The following FRMD3 variants were observed in gnomAD, a reference collection of about 807,000 sequenced individuals.
FRMD3 encodes FERM domain containing 3.
FRMD3 carries 33 observed loss-of-function variants against 70.2 expected under a neutral mutation model. The ratio of observed to expected loss-of-function variants is 0.47; its 90% CI spans 0.36 to 0.63. The LOEUF (loss-of-function observed/expected upper bound fraction) is 0.63. FRMD3 is among the 20% of genes least tolerant of loss of function. The pLI is 0.00. For missense variants in FRMD3, 632 were observed against 711.4 expected, an observed-to-expected ratio of 0.89 and a Z score of 1.27; for synonymous variants, 279 against 255.9, an observed-to-expected ratio of 1.09 and a Z score of -0.86.
intron 1 of FRMD3, among the ~76,000 whole-genome samples, chr9:83,460,252 C>T (rs896246832): frequency 2.6e-5 from 4 of 152,062 alleles, no homozygotes; most frequent in Non-Finnish European, 5.9e-5. Flanking sequence ...CTTCTTGGGC[C>T]CTGCTTTCAA....
intron 1 of FRMD3, among the ~76,000 whole-genome samples, chr9:83,481,813 T>A (rs1296686148): frequency 6.6e-6 from 1 of 152,086 alleles, no homozygotes; most frequent in South Asian, 2.1e-4. Flanking sequence ...TTCTCTGAGC[T>A]CCTCATATGC....
intron 1 of FRMD3, among the ~76,000 whole-genome samples, chr9:83,526,084 C>A (rs1829678104): frequency 6.6e-6 from 1 of 152,154 alleles, no homozygotes; most frequent in Non-Finnish European, 1.5e-5. Flanking sequence ...ACAGGCACTT[C>A]AAAATCAACG....
chr9:83,391,992 T>C (rs1825678046), intron 1 of FRMD3, among the ~76,000 whole-genome samples: 1 of 152,072 alleles, frequency 6.6e-6, no homozygotes, highest in Non-Finnish European at 1.5e-5. Context: ...CGCATGCACA[T>C]TGAAGTTTGA....
chr9:83,380,655 C>CA (rs993085418), intron 2 of FRMD3, among the ~76,000 whole-genome samples: 8 of 151,670 alleles, frequency 5.3e-5, no homozygotes, highest in South Asian at 2.1e-4. Flanking sequence ...ACTGCTAAGA[C>CA]AAAAAAAATT....
At chr9:83,469,644 TTAAA>T (rs1369787785) in intron 1 of FRMD3, among the ~76,000 whole-genome samples, 2 of 151,990 alleles carry the variant, frequency 1.3e-5, no homozygotes, top group African/African-American at 4.8e-5. Flanking sequence ...AAACATGGAA[TTAAA>T]TAAGAGCAAC....
At chr9:83,349,833 C>T (rs567778643) in intron 3 of FRMD3, 76 bp from the exon 4 acceptor site, 10 of 1,103,472 alleles carry the variant, frequency 9.1e-6, no homozygotes, top group South Asian at 6.5e-5. Flanking sequence ...GAAAGGCAGC[C>T]GTGCAGCCTG....
chr9:83,338,162 C>G (rs1296524174), intron 5 of FRMD3, among the ~76,000 whole-genome samples: 2 of 152,110 alleles, frequency 1.3e-5, no homozygotes, highest in East Asian at 3.9e-4. Context: ...GAGAGATGCT[C>G]AAACTCATGA....
At chr9:83,386,129 A>G (rs1459562133) in intron 2 of FRMD3, among the ~76,000 whole-genome samples, 1 of 152,200 alleles carries the variant, frequency 6.6e-6, no homozygotes, top group African/African-American at 2.4e-5. Context: ...TTTATCCATC[A>G]GGACAGAGAC....
intron 3 of FRMD3, 54 bp downstream of exon 3, chr9:83,372,859 G>C: frequency 6.8e-7 from 1 of 1,475,232 alleles, no homozygotes; most frequent in Non-Finnish European, 9.5e-7. Context: ...TCAGGGAACA[G>C]TATCTATCTT....
At chr9:83,530,603 T>C (rs1050092550) in intron 1 of FRMD3, among the ~76,000 whole-genome samples, 1 of 152,176 alleles carries the variant, frequency 6.6e-6, no homozygotes, top group Non-Finnish European at 1.5e-5. Context: ...TATTAAAAAT[T>C]GTATACCTTA....
At chr9:83,458,000 CAAAAAA>C (rs10555580) in intron 1 of FRMD3, among the ~76,000 whole-genome samples, 4 of 87,952 alleles carry the variant, frequency 4.5e-5, no homozygotes, top group Non-Finnish European at 6.6e-5. Flanking sequence ...TATTACCTCT[CAAAAAA>C]AAAAAAAAAA....
At chr9:83,547,171 T>C in the FRMD3 span, among the ~76,000 whole-genome samples, 3 of 149,852 alleles carry the variant, frequency 2.0e-5, no homozygotes, top group Admixed American at 1.3e-4. Flanking sequence ...TAAGTCACTT[T>C]AAATCAACAG....
At chr9:83,563,229 T>C in the FRMD3 span, among the ~76,000 whole-genome samples, 2 of 152,116 alleles carry the variant, frequency 1.3e-5, no homozygotes, top group African/African-American at 4.8e-5. Context: ...AGGATATGTC[T>C]GGGGACTTTC....
intron 12 of FRMD3, chr9:83,297,952 C>T (rs762391549): frequency 2.3e-6 from 1 of 428,500 alleles, no homozygotes; most frequent in Non-Finnish European, 4.8e-6. Context: ...CCCCAAGGGA[C>T]AGGGTGGAGA....
chr9:83,466,334 G>C (rs1284033447), intron 1 of FRMD3, among the ~76,000 whole-genome samples: 1 of 152,164 alleles, frequency 6.6e-6, no homozygotes, highest in Non-Finnish European at 1.5e-5. Context: ...AAGACATGAT[G>C]CTCTTCTTCT....
intron 13 of FRMD3, among the ~76,000 whole-genome samples, chr9:83,249,635 C>A (rs1832307060): frequency 1.3e-5 from 2 of 152,018 alleles, no homozygotes; most frequent in Non-Finnish European, 2.9e-5. Flanking sequence ...ACTGAGAAGT[C>A]CAAATGAAAA....
the FRMD3 span, among the ~76,000 whole-genome samples, chr9:83,551,155 T>A: frequency 6.6e-6 from 1 of 152,170 alleles, no homozygotes; most frequent in Non-Finnish European, 1.5e-5. Context: ...GTTCTTTCAA[T>A]ACTTAGTTTA....
intron 6 of FRMD3, among the ~76,000 whole-genome samples, chr9:83,319,713 T>A (rs1194669198): frequency 6.6e-6 from 1 of 152,124 alleles, no homozygotes; most frequent in Non-Finnish European, 1.5e-5. Flanking sequence ...ATGGGGTGGG[T>A]CTTTCCCTTG....
At chr9:83,585,362 A>C in the FRMD3 span, among the ~76,000 whole-genome samples, 5 of 152,354 alleles carry the variant, frequency 3.3e-5, no homozygotes, top group South Asian at 1.0e-3. Flanking sequence ...TATATAATGC[A>C]GTAATAGAAA....
Sources: allele counts gnomAD v4.1 joint callset (sites outside exome capture counted in the v4.1 genomes callset), GRCh38; gene constraint gnomAD v4.1.1; transcripts MANE v1.5; gene names NCBI Gene and HGNC (gene_info 2026-07-23, HGNC 2026-07-21).